Variants in DENND3 observed in about 807,000 individuals in gnomAD.
The protein encoded by DENND3 is DENN domain-containing protein 3.
DENND3 carries 88 observed loss-of-function variants against 135.1 expected under a neutral mutation model. The observed-to-expected ratio is 0.65, with a 90% CI of 0.55 to 0.78. The LOEUF (loss-of-function observed/expected upper bound fraction) is 0.78. Among genes scored for constraint, DENND3 ranks in the 30% least tolerant of loss-of-function variants. The pLI is 0.00. For synonymous variants in DENND3, 693 were observed against 712.3 expected, an observed-to-expected ratio of 0.97 and a Z score of 0.43; for missense variants, 1,392 against 1,688.4, an observed-to-expected ratio of 0.82 and a Z score of 3.08.
chr8:141,148,480 C>T (rs146606925), intron 5 of DENND3, among the ~76,000 whole-genome samples: 3 of 152,258 alleles, frequency 2.0e-5, no homozygotes, highest in African/African-American at 7.2e-5. Context: ...TGTGCAAAAT[C>T]TCACACACAC....
chr8:141,162,774 C>T (rs1176984480), intron 9 of DENND3, among the ~76,000 whole-genome samples: 1 of 152,144 alleles, frequency 6.6e-6, no homozygotes, highest in African/African-American at 2.4e-5. Flanking sequence ...ATTAGCCAGG[C>T]ATGGTGGTGT....
At chr8:141,149,689 G>A (rs905206954) in intron 5 of DENND3, among the ~76,000 whole-genome samples, 5 of 152,246 alleles carry the variant, frequency 3.3e-5, no homozygotes, top group African/African-American at 1.2e-4. Flanking sequence ...ATATGTGCCG[G>A]TTGGGCTTCA....
At position 141,136,676 on chromosome 8, in the gene DENND3, G is replaced by A. The variant is rs1296146125; in HGVS notation, c.270G>A (p.Lys90=). ...RMRSLRKKRE[K]PRPEQWKGLP... is the part of the protein sequence containing the mutation. ...GCTCCTTGAGAAAGAAGAGAGAGAA[G>A]CCCAGACCAGAGCAGTGGAAGGGCC... The change falls in exon 2 of 23, where the codon AAG becomes AAA. Residue 90 remains lysine (K), a synonymous_variant. Coordinates refer to ENST00000519811, the MANE Select transcript of DENND3 (RefSeq NM_001352890.3). The A allele has an allele frequency of 1.2e-6, 2 of 1,613,334 alleles. No homozygotes were observed. The highest frequency in any genetic ancestry group is 4.5e-5 in the East Asian group (2 of 44,860).
Position 141,141,359 on chromosome 8 carries a change from G to C in DENND3, c.623+35G>C. 6.2e-7 allele frequency: 1 copy of C among 1,610,160 alleles called. No individual in the cohort carries two copies. Among genetic ancestry groups the C allele is most frequent in the East Asian group, 2.2e-5 (1 of 44,822 alleles). On this transcript the variant is annotated intron_variant, in intron 4 of 22. Transcript: ENST00000519811. The surrounding 1 kb of genome is among the most constrained non-coding windows in gnomAD (Gnocchi z 5.3). The stretch of plus-strand genomic sequence containing the variant: ...GGCACCGGGGGCCAGGGGTGGTAGG[G>C]GGCAGCTCTTTGTGCCTCTCCAGGT...
At position 141,136,464 on chromosome 8, in the gene DENND3, A is replaced by G. The variant is rs746109494; in HGVS notation, c.103-45A>G. ...TCAGACAGAAAGGATACCCTCGAACAAGAGCTGAGGCTGTGGCAGTAACTC... is the reference window on the plus strand; with the variant it reads ...TCAGACAGAAAGGATACCCTCGAACGAGAGCTGAGGCTGTGGCAGTAACTC... On this transcript the variant is annotated intron_variant, in intron 1 of 22. Coordinates refer to ENST00000519811, the MANE Select transcript of DENND3 (RefSeq NM_001352890.3). 33 of 1,497,014 alleles carry G rather than the reference A, an allele frequency of 2.2e-5. 1 individual carries two copies. The South Asian group carries it at 3.5e-4, about 16-fold the overall frequency. The allele number at this position is 1,497,014 out of a possible 1,614,324, so 92.7% of individuals were successfully genotyped here. A position where few individuals can be genotyped will look rare whatever the true frequency, so the allele number is the denominator to read the frequency against.
At position 141,175,543 on chromosome 8, in the gene DENND3, A is replaced by G. The variant is rs1292521740; in HGVS notation, c.2535+84A>G. 2.5e-6 allele frequency: 4 copies of G among 1,603,698 alleles called. No homozygotes were observed. The South Asian group carries it at 3.3e-5, about 13-fold the overall frequency. Reference sequence around the variant, plus strand: ...TGGAGTGGGCCCTGAGCAGTCTGCCAGCCATGCCAAGTACCAGCTGCAGCC... The same window carrying G: ...TGGAGTGGGCCCTGAGCAGTCTGCCGGCCATGCCAAGTACCAGCTGCAGCC... On this transcript the variant is annotated intron_variant, in intron 14 of 22. Coordinates refer to ENST00000519811, the MANE Select transcript of DENND3 (RefSeq NM_001352890.3). This position sits in a 1 kb window ranked among gnomAD's most constrained non-coding sequence, Gnocchi z 5.4.
chr8:141,171,195 G>A (rs899167695), intron 13 of DENND3, among the ~76,000 whole-genome samples: 1 of 152,044 alleles, frequency 6.6e-6, no homozygotes, highest in African/African-American at 2.4e-5. Flanking sequence ...GGCCAAATGG[G>A]CATTTGTTAA....
At chr8:141,157,271 G>A in intron 8 of DENND3, 1 of 983,234 alleles carries the variant, frequency 1.0e-6, no homozygotes, top group South Asian at 4.7e-5. Context: ...AGGGGAGGGT[G>A]AGAGGAGGTG....
Position 141,139,817 on chromosome 8 carries a change from C to G in DENND3, c.502-1386C>G, listed in dbSNP as rs1352827538. 2.6e-5 allele frequency among the ~76,000 whole-genome samples: 4 copies of G among 152,248 alleles called. No homozygotes were observed. Among genetic ancestry groups the G allele is most frequent in the Non-Finnish European group, 5.9e-5 (4 of 68,050 alleles). The stretch of plus-strand genomic sequence containing the variant: ...CCTGGTCCTGCTCCTGCCTTCCCAG[C>G]AGCTGTGTAGTTTCGGGGTATCCCC... On this transcript the variant is annotated intron_variant, in intron 3 of 22. Coordinates refer to ENST00000519811, the MANE Select transcript of DENND3 (RefSeq NM_001352890.3). The surrounding 1 kb of genome is among the most constrained non-coding windows in gnomAD (Gnocchi z 4.2).
At chr8:141,180,997 T>TGAA (rs376872745) in intron 17 of DENND3, 143 bp downstream of exon 17, 28 of 653,266 alleles carry the variant, frequency 4.3e-5, no homozygotes, top group Non-Finnish European at 6.6e-5. Context: ...CTTTCTGAGG[T>TGAA]GAAGTGCTGA....
At chr8:141,179,078 G>A (rs1261061737) in intron 16 of DENND3, among the ~76,000 whole-genome samples, 1 of 152,346 alleles carries the variant, frequency 6.6e-6, no homozygotes, top group Non-Finnish European at 1.5e-5. Flanking sequence ...CCTCACTTAC[G>A]TGTTTATTTC....
chr8:141,166,443 C>G lies in DENND3; in HGVS notation c.1753+54C>G, dbSNP rs1820809497. 9.7e-6 allele frequency: 15 copies of G among 1,547,270 alleles called. 1 individual carries two copies. The South Asian group carries it at 1.2e-4, about 12-fold the overall frequency. On this transcript the variant is annotated intron_variant, in intron 12 of 22. Coordinates refer to ENST00000519811, the MANE Select transcript of DENND3 (RefSeq NM_001352890.3). The surrounding 1 kb of genome is among the most constrained non-coding windows in gnomAD (Gnocchi z 4.3). ...TGTGTCGGTCCCACCATTCCTGCAC[C>G]TGCAAGTCATTGAGCAAAACTGGGA...
chr8:141,139,469 C>T lies in DENND3; in HGVS notation c.501+1332C>T, dbSNP rs1007062864. On this transcript the variant is annotated intron_variant, in intron 3 of 22. Transcript: ENST00000519811. The surrounding 1 kb of genome is among the most constrained non-coding windows in gnomAD (Gnocchi z 4.2). ...AACCAAGGTCAGCTCTCGGGCGGTG[C>T]ATGCAGGGGACCAGCGTCCGCCTCT... Among the ~76,000 whole-genome samples, 2 of 152,210 alleles carry T rather than the reference C, an allele frequency of 1.3e-5. No individual in the cohort carries two copies. The highest frequency in any genetic ancestry group is 1.9e-4 in the East Asian group (1 of 5,196).
In DENND3 at chr8:141,166,298, C is replaced by T. The variant is rs950184941; in HGVS notation, c.1662C>T (p.Pro554=). 3 of 1,614,060 alleles carry T rather than the reference C, an allele frequency of 1.9e-6. No individual in the cohort carries two copies. The African/African-American group carries it at 4.0e-5, about 22-fold the overall frequency. Residue 554 remains proline, a synonymous_variant, in exon 12 of 23, where the codon CCC becomes CCT. Coordinates refer to ENST00000519811, the MANE Select transcript of DENND3 (RefSeq NM_001352890.3). The surrounding 1 kb of genome is among the most constrained non-coding windows in gnomAD (Gnocchi z 4.3). ...ACAGGCGCATGGTGGTCAGCATGCC[C>T]AACCTGCAGGACATTGCCATGCCTG... The part of the protein sequence containing the change: ...VTHRRMVVSM[P]NLQDIAMPEL...
At position 141,141,625 on chromosome 8, in the gene DENND3, T is replaced by G; in HGVS notation, c.623+301T>G. ...TGAAGCCACACTGTCGGAAGTAAGG[T>G]TGATGTTCAGGATTTTCATTTTGTT... On this transcript the variant is annotated intron_variant, in intron 4 of 22. Coordinates refer to ENST00000519811, the MANE Select transcript of DENND3 (RefSeq NM_001352890.3). This position sits in a 1 kb window ranked among gnomAD's most constrained non-coding sequence, Gnocchi z 5.3. 2.9e-6 allele frequency: 1 copy of G among 350,558 alleles called. No homozygotes were observed. Among genetic ancestry groups the G allele is most frequent in the Non-Finnish European group, 5.3e-6 (1 of 188,666 alleles). The allele number at this position is 350,558 out of a possible 1,614,324, so 21.7% of individuals were successfully genotyped here. A position where few individuals can be genotyped will look rare whatever the true frequency, so the allele number is the denominator to read the frequency against.
intron 16 of DENND3, among the ~76,000 whole-genome samples, 165 bp from the exon 17 acceptor site, chr8:141,180,582 T>C (rs1174017833): frequency 1.3e-5 from 2 of 152,130 alleles, no homozygotes; most frequent in East Asian, 1.9e-4. Flanking sequence ...CGAGGGTGCA[T>C]GGCTTTCTTT....
intron 20 of DENND3, 24 bp downstream of exon 20, chr8:141,190,441 A>T (rs1569557139): frequency 1.9e-6 from 3 of 1,590,822 alleles, no homozygotes; most frequent in Non-Finnish European, 2.6e-6. Flanking sequence ...CTGCCATCAG[A>T]GCGGGCACCC....
intron 10 of DENND3, 83 bp downstream of exon 10, chr8:141,163,512 G>T: frequency 1.1e-6 from 1 of 916,522 alleles, no homozygotes; most frequent in Non-Finnish European, 1.7e-6. Context: ...CAAAATAAGT[G>T]TTCTCAAGTG....
At chr8:141,163,661 A>C (rs1820412603) in intron 10 of DENND3, among the ~76,000 whole-genome samples, 1 of 152,112 alleles carries the variant, frequency 6.6e-6, no homozygotes, top group Admixed American at 6.5e-5. Context: ...TAATCCCAGC[A>C]CTTTGGGAGG....
Sources: allele counts gnomAD v4.1 joint callset (sites outside exome capture counted in the v4.1 genomes callset), GRCh38; gene constraint gnomAD v4.1.1; non-coding constraint Gnocchi (gnomAD v3.1); transcripts MANE v1.5; gene names NCBI Gene and HGNC (gene_info 2026-07-23, HGNC 2026-07-21).